The following DOK5 variants were observed in gnomAD, a reference collection of about 807,000 sequenced individuals.
DOK5 encodes docking protein 5, also known as downstream of tyrosine kinase 5.
DOK5 carries 27 observed loss-of-function variants against 43.3 expected under a neutral mutation model. That is an observed-to-expected ratio of 0.62 (90% confidence interval 0.46 to 0.86). The LOEUF (loss-of-function observed/expected upper bound fraction) is 0.86, where lower values mean the gene tolerates loss of function less well. Ranked by LOEUF, DOK5 falls within the 40% of genes least tolerant of loss-of-function variation. The pLI is 0.00. For synonymous variants in DOK5, 146 were observed against 140.1 expected, an observed-to-expected ratio of 1.04 and a Z score of -0.30; for missense variants, 373 against 392.9, an observed-to-expected ratio of 0.95 and a Z score of 0.43.
chr20:54,650,458 A>AGG lies in DOK5; in HGVS notation c.901_902insGG (p.Ala301GlyfsTer19). 1.9e-6 allele frequency: 3 copies of AGG among 1,614,112 alleles called. No individual in the cohort carries two copies. The South Asian group carries it at 3.3e-5, about 18-fold the overall frequency. On this transcript the variant is annotated frameshift_variant, in exon 8 of 8. Transcript: ENST00000262593. LOFTEE classifies it high-confidence loss of function. Reference sequence around the variant, plus strand: ...AGCTTCATCGAACAGAGACTTTTCCAGCCTACAGATCTGAGCACTGACAGT... The same window carrying AGG: ...AGCTTCATCGAACAGAGACTTTTCCAGGGCCTACAGATCTGAGCACTGACAGT...
At chr20:54,620,599 T>A (rs1054840752) in intron 6 of DOK5, among the ~76,000 whole-genome samples, 4 of 152,236 alleles carry the variant, frequency 2.6e-5, no homozygotes, top group African/African-American at 9.7e-5. Context: ...ATACCCCTTA[T>A]GCAACAGTGT....
chr20:54,532,216 A>G (rs2146707058), intron 1 of DOK5, among the ~76,000 whole-genome samples: 1 of 152,332 alleles, frequency 6.6e-6, no homozygotes, highest in African/African-American at 2.4e-5. Flanking sequence ...TGTGGTAGAT[A>G]GGATTACAAT....
intron 5 of DOK5, among the ~76,000 whole-genome samples, chr20:54,609,928 A>G (rs1217483959): frequency 6.6e-6 from 1 of 152,242 alleles, no homozygotes; most frequent in African/African-American, 2.4e-5. Context: ...CCTTAAAGTC[A>G]TGGTCTGTAG....
intron 1 of DOK5, among the ~76,000 whole-genome samples, chr20:54,523,759 C>T (rs1983491405): frequency 7.1e-6 from 1 of 139,944 alleles, no homozygotes; most frequent in South Asian, 2.1e-4. Flanking sequence ...GTGTGCACCA[C>T]CACATTTGTC....
chr20:54,548,920 A>G (rs1984433614), intron 1 of DOK5, among the ~76,000 whole-genome samples: 1 of 152,194 alleles, frequency 6.6e-6, no homozygotes, highest in Admixed American at 6.5e-5. Flanking sequence ...TTCTTAGGAC[A>G]GTGTGCTGGC....
chr20:54,609,842 A>G (rs1336323708), intron 5 of DOK5, among the ~76,000 whole-genome samples: 1 of 152,240 alleles, frequency 6.6e-6, no homozygotes, highest in Non-Finnish European at 1.5e-5. Context: ...TGAAAAAAAA[A>G]TTAACTGCAT....
At chr20:54,535,623 T>G (rs2146710614) in intron 1 of DOK5, among the ~76,000 whole-genome samples, 1 of 152,228 alleles carries the variant, frequency 6.6e-6, no homozygotes, top group Non-Finnish European at 1.5e-5. Flanking sequence ...TATATGGAAA[T>G]TTATTCATCT....
chr20:54,480,902 C>CATCTATCTATCTATCTATCT (rs201469324), intron 1 of DOK5, among the ~76,000 whole-genome samples: 1 of 134,888 alleles, frequency 7.4e-6, no homozygotes, highest in Admixed American at 7.2e-5. Flanking sequence ...TTAAGGCCTC[C>CATCTATCTATCTATCTATCT]ATCTATCTAT....
At chr20:54,535,233 T>TA (rs1355816701) in intron 1 of DOK5, among the ~76,000 whole-genome samples, 1 of 152,196 alleles carries the variant, frequency 6.6e-6, no homozygotes, top group African/African-American at 2.4e-5. Flanking sequence ...TAAATTTTTT[T>TA]ACCACATGAC....
intron 1 of DOK5, among the ~76,000 whole-genome samples, chr20:54,507,921 G>C (rs996311987): frequency 6.6e-6 from 1 of 152,184 alleles, no homozygotes; most frequent in Admixed American, 6.5e-5. Flanking sequence ...AGTGTATTGA[G>C]AACCCGTGGA....
At chr20:54,614,805 T>C (rs1684823686) in intron 6 of DOK5, among the ~76,000 whole-genome samples, 1 of 152,176 alleles carries the variant, frequency 6.6e-6, no homozygotes, top group Non-Finnish European at 1.5e-5. Flanking sequence ...AACGAGGGAT[T>C]GTGAAAAGCT....
intron 1 of DOK5, among the ~76,000 whole-genome samples, chr20:54,508,578 T>A (rs1982900110): frequency 6.6e-6 from 1 of 151,716 alleles, no homozygotes; most frequent in Admixed American, 6.6e-5. Context: ...ATTTTTATAT[T>A]TATTTATTTA....
chr20:54,490,783 T>A (rs1294307524), intron 1 of DOK5, among the ~76,000 whole-genome samples: 2 of 152,084 alleles, frequency 1.3e-5, no homozygotes, highest in Non-Finnish European at 2.9e-5. Context: ...AGAGATGGGG[T>A]TTCACCATGT....
intron 6 of DOK5, among the ~76,000 whole-genome samples, chr20:54,636,904 C>T (rs566225951): frequency 3.3e-5 from 5 of 152,298 alleles, no homozygotes; most frequent in African/African-American, 7.2e-5. Flanking sequence ...TTCAACAGGA[C>T]TTTTGGGGGG....
intron 6 of DOK5, among the ~76,000 whole-genome samples, chr20:54,624,980 C>A (rs537291930): frequency 1.4e-4 from 22 of 151,942 alleles, no homozygotes; most frequent in Non-Finnish European, 2.9e-5. Flanking sequence ...AGCAGGAAAG[C>A]GGTCTTTCTT....
At chr20:54,618,367 A>G (rs1427470951) in intron 6 of DOK5, among the ~76,000 whole-genome samples, 7 of 148,972 alleles carry the variant, frequency 4.7e-5, no homozygotes, top group Non-Finnish European at 1.0e-4. Flanking sequence ...TTTTTGAGAC[A>G]GACTCTCACT....
At chr20:54,614,152 T>C (rs1986733244) in intron 6 of DOK5, among the ~76,000 whole-genome samples, 2 of 152,154 alleles carry the variant, frequency 1.3e-5, no homozygotes, top group South Asian at 2.1e-4. Flanking sequence ...CTGTTTAAGA[T>C]AAATTCTTAA....
intron 5 of DOK5, among the ~76,000 whole-genome samples, chr20:54,600,918 T>A (rs1400555716): frequency 1.3e-5 from 2 of 152,248 alleles, no homozygotes; most frequent in Admixed American, 6.5e-5. Flanking sequence ...TAATCTTTTT[T>A]TTCTTTAAGA....
At chr20:54,573,870 G>C (rs1417252274) in intron 2 of DOK5, among the ~76,000 whole-genome samples, 1 of 152,076 alleles carries the variant, frequency 6.6e-6, no homozygotes, top group East Asian at 1.9e-4. Context: ...TCAGTGTGCA[G>C]CTTTAATTCT....
Sources: gnomAD v4.1 joint callset for allele counts (sites outside exome capture counted in the v4.1 genomes callset) on GRCh38, gnomAD v4.1.1 for gene constraint, MANE v1.5 for transcripts, NCBI Gene and HGNC (gene_info 2026-07-23, HGNC 2026-07-21) for gene names.